Variants in CHRM2 observed in about 807,000 individuals in gnomAD.
The protein encoded by CHRM2 is muscarinic acetylcholine receptor M2.
In CHRM2, 8 loss-of-function variants were observed where a neutral mutation model predicts 25.0. The ratio of observed to expected loss-of-function variants is 0.32; its 90% CI spans 0.19 to 0.58. The LOEUF (loss-of-function observed/expected upper bound fraction) is 0.58. Among genes scored for constraint, CHRM2 ranks in the 20% least tolerant of loss-of-function variants. CHRM2 has a pLI of 0.88. For missense variants in CHRM2, 440 were observed against 567.1 expected (o/e 0.78, Z 2.28); for synonymous variants, 202 against 205.7 (o/e 0.98, Z 0.15).
chr7:136,896,622 A>C (rs536478850), intron 2 of CHRM2, among the ~76,000 whole-genome samples: 5 of 152,118 alleles, frequency 3.3e-5, no homozygotes, highest in Non-Finnish European at 5.9e-5. Context: ...AGTGAGTCTA[A>C]CTAAAAATGA....
At chr7:136,871,554 A>T (rs1375603550) in intron 2 of CHRM2, 2 of 152,786 alleles carry the variant, frequency 1.3e-5, no homozygotes, top group Non-Finnish European at 2.9e-5. Flanking sequence ...CGCGCATTGC[A>T]CTTTGTGAGC....
chr7:136,998,579 C>A (rs1803764047), intron 3 of CHRM2, among the ~76,000 whole-genome samples: 1 of 152,112 alleles, frequency 6.6e-6, no homozygotes, highest in Non-Finnish European at 1.5e-5. Context: ...CTCATTGCCA[C>A]AGGGACAAAA....
intron 2 of CHRM2, among the ~76,000 whole-genome samples, chr7:136,929,744 AGAG>A (rs929483023): frequency 2.6e-5 from 4 of 152,182 alleles, no homozygotes; most frequent in African/African-American, 9.6e-5. Flanking sequence ...ACAGGAAAAT[AGAG>A]GAGGAGTGGA....
chr7:136,980,669 T>C (rs940498486), intron 2 of CHRM2, among the ~76,000 whole-genome samples: 1 of 152,236 alleles, frequency 6.6e-6, no homozygotes, highest in East Asian at 1.9e-4. Flanking sequence ...TTGAATTTTA[T>C]GGAATGCCTT....
chr7:137,001,662 G>T (rs1414838018), intron 3 of CHRM2, among the ~76,000 whole-genome samples: 3 of 152,100 alleles, frequency 2.0e-5, no homozygotes, highest in East Asian at 1.9e-4. Flanking sequence ...AGCAGGTTGT[G>T]GGGGGCTATC....
At chr7:136,967,929 T>A (rs545039300) in intron 2 of CHRM2, among the ~76,000 whole-genome samples, 2 of 147,212 alleles carry the variant, frequency 1.4e-5, no homozygotes, top group Admixed American at 1.4e-4. Flanking sequence ...CTGGTGTTGA[T>A]TTTTTTTTTT....
intron 2 of CHRM2, among the ~76,000 whole-genome samples, chr7:136,888,473 G>A (rs1796557762): frequency 6.6e-6 from 1 of 152,092 alleles, no homozygotes; most frequent in South Asian, 2.1e-4. Context: ...TTTCAGAAAG[G>A]AATTACATAT....
intron 2 of CHRM2, among the ~76,000 whole-genome samples, chr7:136,906,607 T>A (rs1401544853): frequency 1.3e-5 from 2 of 151,908 alleles, no homozygotes; most frequent in African/African-American, 4.8e-5. Context: ...ATTTTTTTTC[T>A]AATTCAGTTT....
chr7:136,993,277 T>G (rs986061041), intron 3 of CHRM2, among the ~76,000 whole-genome samples: 4 of 152,110 alleles, frequency 2.6e-5, no homozygotes, highest in African/African-American at 9.7e-5. Context: ...AAGTGAGATA[T>G]TTGTATGATC....
intron 2 of CHRM2, among the ~76,000 whole-genome samples, chr7:136,934,598 C>G (rs1010743217): frequency 6.6e-6 from 1 of 151,924 alleles, no homozygotes; most frequent in Non-Finnish European, 1.5e-5. Flanking sequence ...CCTTTCTGGC[C>G]AAATAGGTCC....
chr7:136,996,818 AACAGCAAAGGTCATAGAGTGTGAGCCT>A (rs1803634972), intron 3 of CHRM2, among the ~76,000 whole-genome samples: 1 of 152,234 alleles, frequency 6.6e-6, no homozygotes, highest in Non-Finnish European at 1.5e-5. Context: ...ACCCAGTACT[AACAGCAAAGGTCATAGAGTGTGAGCCT>A]ACAGGCCAAA....
At chr7:136,911,503 C>T (rs180921458) in intron 2 of CHRM2, among the ~76,000 whole-genome samples, 74 of 152,040 alleles carry the variant, frequency 4.9e-4, no homozygotes, top group African/African-American at 1.8e-3. Flanking sequence ...CAAAGCCATG[C>T]TTCTCACCAG....
At chr7:136,877,203 G>A (rs1375750544) in intron 2 of CHRM2, among the ~76,000 whole-genome samples, 1 of 151,996 alleles carries the variant, frequency 6.6e-6, no homozygotes, top group East Asian at 1.9e-4. Context: ...GCTGTAGCCG[G>A]AGACTTTTTG....
At chr7:136,901,436 A>G (rs528776055) in intron 2 of CHRM2, among the ~76,000 whole-genome samples, 1 of 152,186 alleles carries the variant, frequency 6.6e-6, no homozygotes, top group Non-Finnish European at 1.5e-5. Flanking sequence ...ACAGGAAAAG[A>G]AAAATGTGTA....
chr7:136,989,906 C>G (rs957815909), intron 2 of CHRM2, among the ~76,000 whole-genome samples: 9 of 152,204 alleles, frequency 5.9e-5, no homozygotes, highest in African/African-American at 2.2e-4. Flanking sequence ...ACGTTTTCAA[C>G]AGTTCAACTT....
Position 137,017,973 on chromosome 7 carries a change from A to C in CHRM2, c.*1707A>C, listed in dbSNP as rs114152878. On this transcript the variant is annotated 3_prime_UTR_variant, in exon 4 of 4. Transcript: ENST00000680005. ...CAGTATTTGCTGTAGTTTTCCAATG[A>C]GATTTTCTAAAAATGGCTCAATCAA... 4 of 152,006 alleles carry C rather than the reference A, an allele frequency of 2.6e-5. No homozygotes were observed. In the East Asian group the frequency reaches 7.8e-4, roughly 30 times the overall value. The allele number at this position is 152,006 out of a possible 1,614,324, so 9.4% of individuals were successfully genotyped here.
At chr7:136,959,972 G>A (rs1481722633) in intron 2 of CHRM2, among the ~76,000 whole-genome samples, 2 of 152,098 alleles carry the variant, frequency 1.3e-5, no homozygotes, top group Admixed American at 1.3e-4. Flanking sequence ...CTCTATCCCT[G>A]ATTCTAAATA....
In CHRM2 at chr7:137,016,121, A is replaced by G. The variant is rs1286131012; in HGVS notation, c.1256A>G (p.Asn419Ser). The change falls in exon 4 of 4, where the codon AAC becomes AGC. Residue 419 changes from asparagine (N) to serine (S), a missense_variant. By Grantham distance (46) the Asn-to-Ser change is conservative. Around this residue, in one of 5 missense-constraint regions of CHRM2, gnomAD observed 65 missense variants for 108.9 expected, o/e 0.60. Transcript: ENST00000680005. ...ACCTTTTGTGCACCTTGCATCCCCA[A>G]CACTGTGTGGACAATTGGTTACTGG... ...INTFCAPCIP[N>S]TVWTIGYWLC... 1 of 1,612,710 alleles carries G rather than the reference A, an allele frequency of 6.2e-7. No homozygotes were observed. The highest frequency in any genetic ancestry group is 1.1e-5 in the South Asian group (1 of 91,022).
chr7:136,899,926 G>A (rs1797106890), intron 2 of CHRM2: 1 of 152,010 alleles, frequency 6.6e-6, no homozygotes, highest in Non-Finnish European at 1.5e-5. Flanking sequence ...AATACCTCTA[G>A]CAAATCCCTG....
Sources: gnomAD v4.1 joint callset for allele counts (sites outside exome capture counted in the v4.1 genomes callset) on GRCh38, gnomAD v4.1.1 for gene constraint, gnomAD v4.1.1 regional missense constraint, MANE v1.5 for transcripts, NCBI Gene and HGNC (gene_info 2026-07-23, HGNC 2026-07-21) for gene names.